Variants in MICU1 observed in about 807,000 individuals in gnomAD.
MICU1 encodes mitochondrial calcium uptake 1.
Under a neutral mutation model 56.8 loss-of-function variants are expected in MICU1, and 45 were observed. The ratio of observed to expected loss-of-function variants is 0.79; its 90% CI spans 0.62 to 1.02. The LOEUF (loss-of-function observed/expected upper bound fraction) is 1.02, where lower values mean the gene tolerates loss of function less well. MICU1 is among the 50% of genes least tolerant of loss of function. The pLI is 0.00. For synonymous variants in MICU1, 186 were observed against 195.1 expected (o/e 0.95, Z 0.39); for missense variants, 504 against 587.1 (o/e 0.86, Z 1.46).
intron 8 of MICU1, among the ~76,000 whole-genome samples, chr10:72,462,942 T>C (rs1865681859): frequency 6.6e-6 from 1 of 152,230 alleles, no homozygotes; most frequent in Non-Finnish European, 1.5e-5. Flanking sequence ...ATTAAAGATA[T>C]CTGATAACAG....
chr10:72,506,588 C>T (rs566030433), intron 6 of MICU1, among the ~76,000 whole-genome samples: 26 of 152,062 alleles, frequency 1.7e-4, no homozygotes, highest in African/African-American at 5.3e-4. Context: ...CATGTTGTGA[C>T]AGAATAAAAA....
At chr10:72,416,154 G>A (rs1863975977) in intron 9 of MICU1, among the ~76,000 whole-genome samples, 1 of 152,048 alleles carries the variant, frequency 6.6e-6, no homozygotes, top group African/African-American at 2.4e-5. Context: ...TTGAGGGATA[G>A]GGAATAGGGG....
intron 1 of MICU1, among the ~76,000 whole-genome samples, chr10:72,604,896 T>G (rs1372590880): frequency 6.6e-6 from 1 of 152,240 alleles, no homozygotes; most frequent in Non-Finnish European, 1.5e-5. Context: ...CAATCAGAAG[T>G]GTGTTTTATT....
chr10:72,512,107 G>GTTTTT (rs869183579), intron 5 of MICU1, among the ~76,000 whole-genome samples: 20 of 29,498 alleles, frequency 6.8e-4, no homozygotes, highest in African/African-American at 1.0e-3. Flanking sequence ...GTTGTTTTTT[G>GTTTTT]TTTTTTTTTT....
intron 4 of MICU1, among the ~76,000 whole-genome samples, chr10:72,544,953 G>C (rs2132431747): frequency 6.6e-6 from 1 of 152,162 alleles, no homozygotes; most frequent in South Asian, 2.1e-4. Context: ...TTTTTGAACT[G>C]TTCTAAAAGT....
chr10:72,461,507 G>A (rs370021319), intron 8 of MICU1, among the ~76,000 whole-genome samples: 3 of 152,118 alleles, frequency 2.0e-5, no homozygotes, highest in African/African-American at 7.2e-5. Flanking sequence ...CTCTACAACT[G>A]TACTGTACTT....
intron 10 of MICU1, among the ~76,000 whole-genome samples, chr10:72,383,146 T>C (rs61540518): frequency 0.042 from 6,274 of 150,850 alleles, 430 homozygotes; most frequent in African/African-American, 0.14. Flanking sequence ...CTTGGGAAAC[T>C]GAGGTGGGAG....
At chr10:72,504,162 A>T (rs1867167411) in intron 6 of MICU1, among the ~76,000 whole-genome samples, 1 of 152,188 alleles carries the variant, frequency 6.6e-6, no homozygotes, top group African/African-American at 2.4e-5. Context: ...ATCAAAAAAG[A>T]GCCTGAATAG....
chr10:72,441,060 A>T (rs567171276), intron 8 of MICU1, among the ~76,000 whole-genome samples: 2 of 152,274 alleles, frequency 1.3e-5, no homozygotes, highest in South Asian at 4.1e-4. Flanking sequence ...GTATATACCC[A>T]AAGGATTATA....
At chr10:72,592,013 T>C (rs894686213) in intron 1 of MICU1, among the ~76,000 whole-genome samples, 10 of 149,804 alleles carry the variant, frequency 6.7e-5, no homozygotes, top group African/African-American at 2.2e-4. Context: ...CTGGTTTTTT[T>C]GTTTTTTTTT....
At chr10:72,536,948 C>A (rs1839652892) in intron 4 of MICU1, among the ~76,000 whole-genome samples, 1 of 151,856 alleles carries the variant, frequency 6.6e-6, no homozygotes, top group African/African-American at 2.4e-5. Context: ...CAGAATAACT[C>A]AAAATGTAAC....
At chr10:72,404,403 T>C (rs1384271303) in intron 10 of MICU1, among the ~76,000 whole-genome samples, 1 of 152,008 alleles carries the variant, frequency 6.6e-6, no homozygotes, top group Admixed American at 6.6e-5. Flanking sequence ...TGAAAATAAG[T>C]GAAGGAATAA....
Position 72,427,426 on chromosome 10 carries a change from A to C in MICU1, c.934-4055T>G, listed in dbSNP as rs533937410. Among the ~76,000 whole-genome samples, 58 of 152,332 alleles carry C rather than the reference A, an allele frequency of 3.8e-4. 1 individual carries two copies. Among genetic ancestry groups the C allele is most frequent in the African/African-American group, 1.3e-3 (55 of 41,578 alleles). The stretch of plus-strand genomic sequence containing the variant: ...GAACAAAGGCCAAAAGTAAGAATAG[A>C]AGCACAGTAAAAGGAAAAAGAAATC... On this transcript the variant is annotated intron_variant, in intron 8 of 11. Transcript: ENST00000361114.
At chr10:72,544,569 T>C (rs565032527) in intron 4 of MICU1, among the ~76,000 whole-genome samples, 7 of 152,212 alleles carry the variant, frequency 4.6e-5, no homozygotes, top group Non-Finnish European at 1.0e-4. Flanking sequence ...AGCTCATGTT[T>C]TTCTATATAG....
At chr10:72,397,858 A>G (rs1198313557) in intron 10 of MICU1, among the ~76,000 whole-genome samples, 3 of 152,214 alleles carry the variant, frequency 2.0e-5, no homozygotes, top group Non-Finnish European at 2.9e-5. Context: ...CCCACTGTCA[A>G]TACTAGACAG....
chr10:72,397,264 T>A (rs1250981418), intron 10 of MICU1, among the ~76,000 whole-genome samples: 2 of 152,188 alleles, frequency 1.3e-5, no homozygotes, highest in African/African-American at 4.8e-5. Flanking sequence ...GCCTGCCTTA[T>A]AAGAGCTCCT....
chr10:72,456,505 G>A (rs1865461749), intron 8 of MICU1, among the ~76,000 whole-genome samples: 1 of 152,126 alleles, frequency 6.6e-6, no homozygotes, highest in African/African-American at 2.4e-5. Flanking sequence ...GGGAGGAACT[G>A]GAGCCTAGTG....
chr10:72,595,389 T>C (rs1240094569), intron 1 of MICU1, among the ~76,000 whole-genome samples: 3 of 145,406 alleles, frequency 2.1e-5, no homozygotes, highest in Admixed American at 6.9e-5. Context: ...GAGACGGAGG[T>C]TGCAGTGAGC....
intron 10 of MICU1, chr10:72,391,965 T>C (rs554096009): frequency 1.3e-5 from 2 of 152,310 alleles, no homozygotes; most frequent in Non-Finnish European, 2.9e-5. Context: ...CCGCATCTAG[T>C]GCTCGTCCGG....
Sources: allele counts gnomAD v4.1 joint callset (sites outside exome capture counted in the v4.1 genomes callset), GRCh38; gene constraint gnomAD v4.1.1; transcripts MANE v1.5; gene names NCBI Gene and HGNC (gene_info 2026-07-23, HGNC 2026-07-21).